Variants in STX8 observed in about 807,000 individuals in gnomAD.
The protein encoded by STX8 is syntaxin 8.
Under a neutral mutation model 37.5 loss-of-function variants are expected in STX8, and 23 were observed. That is an observed-to-expected ratio of 0.61 (90% CI 0.44 to 0.87). The LOEUF is 0.87. Among genes scored for constraint, STX8 ranks in the 40% least tolerant of loss-of-function variants. The pLI, the probability that STX8 is intolerant of heterozygous loss-of-function variation, is 0.00. For synonymous variants in STX8, 115 were observed against 99.1 expected (o/e 1.16, Z -0.95); for missense variants, 313 against 284.7 (o/e 1.10, Z -0.71).
intron 6 of STX8, among the ~76,000 whole-genome samples, chr17:9,460,671 C>T (rs1322731156): frequency 5.3e-5 from 3 of 56,698 alleles, no homozygotes; most frequent in Non-Finnish European, 6.1e-5. Context: ...GAGACTCTGT[C>T]TCAAAAAAAA....
intron 1 of STX8, among the ~76,000 whole-genome samples, chr17:9,572,788 G>A (rs982603758): frequency 1.3e-5 from 2 of 152,198 alleles, no homozygotes; most frequent in South Asian, 4.1e-4. Flanking sequence ...TGGGAGCACA[G>A]CTGAGTGTCT....
chr17:9,327,271 G>GAAGGAAGAAA (rs1567785010), intron 7 of STX8, among the ~76,000 whole-genome samples: 18 of 149,488 alleles, frequency 1.2e-4, no homozygotes, highest in African/African-American at 4.2e-4. Flanking sequence ...GGAGGAGGAA[G>GAAGGAAGAAA]GAGGAAGAAG....
chr17:9,475,603 A>G (rs1906068521), intron 6 of STX8, among the ~76,000 whole-genome samples: 1 of 152,208 alleles, frequency 6.6e-6, no homozygotes, highest in Non-Finnish European at 1.5e-5. Context: ...GGGAGTGCGC[A>G]TGGTGTTGGT....
intron 7 of STX8, among the ~76,000 whole-genome samples, chr17:9,257,914 G>A (rs1045013588): frequency 6.6e-6 from 1 of 152,202 alleles, no homozygotes; most frequent in South Asian, 2.1e-4. Context: ...ACTTGAACCC[G>A]GGAGGAGGAG....
At chr17:9,269,408 T>C (rs1907367670) in intron 7 of STX8, among the ~76,000 whole-genome samples, 1 of 152,056 alleles carries the variant, frequency 6.6e-6, no homozygotes, top group African/African-American at 2.4e-5. Context: ...CACAGCTGAG[T>C]GTCAGAGGTT....
chr17:9,294,140 T>G (rs1567771701), intron 7 of STX8, among the ~76,000 whole-genome samples: 1 of 152,054 alleles, frequency 6.6e-6, no homozygotes, highest in Non-Finnish European at 1.5e-5. Context: ...TGGCCTAGGG[T>G]TTGGGTCTTC....
At chr17:9,364,517 G>GTTA (rs1911163150) in intron 7 of STX8, among the ~76,000 whole-genome samples, 1 of 151,996 alleles carries the variant, frequency 6.6e-6, no homozygotes, top group Admixed American at 6.6e-5. Flanking sequence ...TATTTGCTAT[G>GTTA]TTATTATTAT....
At chr17:9,382,047 TCTATA>T (rs1263450357) in intron 6 of STX8, among the ~76,000 whole-genome samples, 1 of 152,180 alleles carries the variant, frequency 6.6e-6, no homozygotes, top group East Asian at 1.9e-4. Flanking sequence ...TAATTCATTT[TCTATA>T]CAATACTCAG....
At chr17:9,499,988 G>A (rs1472481015) in intron 5 of STX8, among the ~76,000 whole-genome samples, 3 of 152,190 alleles carry the variant, frequency 2.0e-5, no homozygotes, top group African/African-American at 7.2e-5. Flanking sequence ...GCCAGAAAAT[G>A]CATGAGTATT....
intron 3 of STX8, among the ~76,000 whole-genome samples, chr17:9,548,737 C>G (rs139390361): frequency 1.0e-3 from 154 of 152,058 alleles, no homozygotes; most frequent in Non-Finnish European, 2.0e-3. Context: ...ATGGAATAAT[C>G]TACAAAATAT....
At chr17:9,479,606 G>A (rs1451112439) in intron 6 of STX8, among the ~76,000 whole-genome samples, 10 of 148,208 alleles carry the variant, frequency 6.7e-5, no homozygotes. Context: ...TTTAAGTATA[G>A]ATGTATTTTA....
At position 9,559,751 on chromosome 17, in the gene STX8, T is replaced by TAC. The variant is rs1907136695; in HGVS notation, c.118-2224_118-2223insGT. On this transcript the variant is annotated intron_variant, in intron 2 of 7. Coordinates refer to ENST00000306357, the MANE Select transcript of STX8 (RefSeq NM_004853.3). ...TTATTATTTTATATATATATATATA[T>TAC]ATATATATATTTTTTTTTTTTTTTT... Among the ~76,000 whole-genome samples, 42 of 6,174 alleles carry TAC rather than the reference T, an allele frequency of 6.8e-3. No homozygotes were observed. In the East Asian group the frequency reaches 0.19, roughly 29 times the overall value. The allele number at this position is 6,174 out of a possible 152,430, so 4.1% of individuals were successfully genotyped here.
At position 9,265,786 on chromosome 17, in the gene STX8, C is replaced by G. The variant is rs77679170; in HGVS notation, c.644-15141G>C. ...GACAAAAAGCTCTGCCCTCACCAAA[C>G]TGACGTCCTAGTGTGTGTTTGTTGG... is the stretch of plus-strand genomic sequence containing the variant. On this transcript the variant is annotated intron_variant, in intron 7 of 7. Coordinates refer to ENST00000306357, the MANE Select transcript of STX8 (RefSeq NM_004853.3). Among the ~76,000 whole-genome samples, 3 of 152,342 alleles carry G rather than the reference C, an allele frequency of 2.0e-5. No homozygotes were observed. In the South Asian group the frequency reaches 6.2e-4, roughly 32 times the overall value.
At chr17:9,304,847 A>G (rs1303535188) in intron 7 of STX8, among the ~76,000 whole-genome samples, 2 of 151,658 alleles carry the variant, frequency 1.3e-5, no homozygotes, top group Non-Finnish European at 2.9e-5. Flanking sequence ...ATACCTCTAC[A>G]CATATAAAAG....
intron 7 of STX8, among the ~76,000 whole-genome samples, chr17:9,274,751 C>CT (rs377159395): frequency 0.015 from 1,173 of 78,632 alleles, 183 homozygotes; most frequent in South Asian, 0.026. Context: ...TTTCTTTTTT[C>CT]TTTTTTTTTT....
chr17:9,301,111 C>T (rs998116462), intron 7 of STX8, among the ~76,000 whole-genome samples: 1 of 152,084 alleles, frequency 6.6e-6, no homozygotes, highest in Non-Finnish European at 1.5e-5. Context: ...GGATTACAGA[C>T]GTGAGCCACC....
intron 6 of STX8, among the ~76,000 whole-genome samples, chr17:9,419,433 A>C (rs111529536): frequency 0.017 from 2,612 of 152,304 alleles, 84 homozygotes; most frequent in African/African-American, 0.059. Context: ...AATTAAAATC[A>C]ATCACCTTTT....
At chr17:9,522,408 T>C (rs1326718626) in intron 4 of STX8, among the ~76,000 whole-genome samples, 2 of 151,966 alleles carry the variant, frequency 1.3e-5, no homozygotes, top group African/African-American at 4.8e-5. Context: ...TTAAAAAAGT[T>C]TCCTATCGGC....
At chr17:9,370,073 G>A (rs571348328) in intron 7 of STX8, among the ~76,000 whole-genome samples, 1 of 151,954 alleles carries the variant, frequency 6.6e-6, no homozygotes, top group South Asian at 2.1e-4. Context: ...AAATTAGCCA[G>A]GCATGGTGAT....
Sources: gnomAD v4.1 joint callset for allele counts (sites outside exome capture counted in the v4.1 genomes callset) on GRCh38, gnomAD v4.1.1 for gene constraint, MANE v1.5 for transcripts, NCBI Gene and HGNC (gene_info 2026-07-23, HGNC 2026-07-21) for gene names.